Variants in NVL observed in about 807,000 individuals in gnomAD.
NVL encodes the protein nuclear VCP like, also known as nuclear valosin-containing protein-like.
In NVL, 84 loss-of-function variants were observed where a neutral mutation model predicts 110.2. The ratio of observed to expected loss-of-function variants is 0.76; its 90% confidence interval spans 0.64 to 0.91. The LOEUF is 0.91. Among genes scored for constraint, NVL ranks in the 40% least tolerant of loss-of-function variants. NVL has a pLI of 0.00. For missense variants in NVL, 882 were observed against 1,035.9 expected, an observed-to-expected ratio of 0.85 and a Z score of 2.04; for synonymous variants, 354 against 361.1, an observed-to-expected ratio of 0.98 and a Z score of 0.22.
intron 6 of NVL, chr1:224,305,413 G>C (rs568803770): frequency 2.8e-6 from 1 of 361,430 alleles, no homozygotes; most frequent in South Asian, 5.8e-5. Flanking sequence ...ACTAAAATTG[G>C]AATGATACAA....
Position 224,289,587 on chromosome 1 carries a change from A to G in NVL, c.1472T>C (p.Met491Thr). The change falls in exon 13 of 23, where the codon ATG becomes ACG. Residue 491 changes from methionine (M) to threonine (T), a missense_variant. Physicochemically the swap from Met to Thr is moderately conservative, Grantham distance 81. This residue lies in a region of NVL where 416 missense variants were observed against 499.3 expected (regional missense o/e 0.83). Coordinates refer to ENST00000281701, the MANE Select transcript of NVL (RefSeq NM_002533.4). ...AAMCAVNRVL[M>T]KLQEQQKKNP... ...TTTCTTCTGCTGTTCCTGTAGCTTC[A>G]TTAAGACTCTATTGACTGCACACAT... The G allele has an allele frequency of 6.2e-7, 1 of 1,614,226 alleles. No individual in the cohort carries two copies. Among genetic ancestry groups the G allele is most frequent in the Non-Finnish European group, 8.5e-7 (1 of 1,180,048 alleles).
chr1:224,277,459 C>T (rs1025164317), intron 16 of NVL, among the ~76,000 whole-genome samples: 3 of 152,144 alleles, frequency 2.0e-5, no homozygotes, highest in Non-Finnish European at 2.9e-5. Context: ...AGAGAACAAT[C>T]AATACCGTTG....
chr1:224,324,497 T>C (rs373266796), intron 2 of NVL, among the ~76,000 whole-genome samples: 6 of 152,324 alleles, frequency 3.9e-5, no homozygotes, highest in African/African-American at 1.2e-4. Context: ...GGTGCAATCA[T>C]AGCTCACTGC....
intron 14 of NVL, among the ~76,000 whole-genome samples, chr1:224,286,616 T>C (rs1198609593): frequency 6.6e-6 from 1 of 152,220 alleles, no homozygotes. Context: ...CTTGAGGAAT[T>C]TATACTTGAA....
At position 224,311,857 on chromosome 1, in the gene NVL, C is replaced by G; in HGVS notation, c.285G>C (p.Glu95Asp). The change falls in exon 5 of 23, where the codon GAG becomes GAC. Residue 95 changes from glutamate to aspartate, a missense_variant and splice_region_variant. By Grantham distance (45) the Glu-to-Asp change is conservative. Around this residue, in one of 4 missense-constraint regions of NVL, gnomAD observed 274 missense variants for 268.4 expected, o/e 1.02. Coordinates refer to ENST00000281701, the MANE Select transcript of NVL (RefSeq NM_002533.4). ...KRARQGEEDN[E>D]YTESYSDDDS... ...CATCATCAGAATAGCTTTCAGTATA[C>G]CTCAGTAAAAGGAGGGAAAAATGTT... 6.2e-7 allele frequency: 1 copy of G among 1,611,590 alleles called. No homozygotes were observed. Among genetic ancestry groups the G allele is most frequent in the Non-Finnish European group, 8.5e-7 (1 of 1,177,984 alleles).
At position 224,231,253 on chromosome 1, in the gene NVL, C is replaced by T; in HGVS notation, c.2499G>A (p.Lys833=). ...TTTTTGATATAGATGATCTTACTTTCTTGAAAGCTTCTTCAAAATGCTTAT... is the reference window on the plus strand; with the variant it reads ...TTTTTGATATAGATGATCTTACTTTTTTGAAAGCTTCTTCAAAATGCTTAT... ...VSHKHFEEAF[K]KVRSSISKKD... Residue 833 remains lysine (K), a synonymous_variant, in exon 22 of 23, where the codon AAG becomes AAA. Coordinates refer to ENST00000281701, the MANE Select transcript of NVL (RefSeq NM_002533.4). The T allele has an allele frequency of 6.2e-7, 1 of 1,612,514 alleles. No homozygotes were observed. Among genetic ancestry groups the T allele is most frequent in the Non-Finnish European group, 8.5e-7 (1 of 1,179,556 alleles).
At chr1:224,274,035 AACAC>A (rs1224878158) in intron 17 of NVL, among the ~76,000 whole-genome samples, 6 of 145,540 alleles carry the variant, frequency 4.1e-5, no homozygotes, top group Admixed American at 1.4e-4. Flanking sequence ...ATGACCTAAC[AACAC>A]ACACACACAC....
chr1:224,235,515 T>A (rs1660361848), intron 20 of NVL, among the ~76,000 whole-genome samples: 1 of 151,986 alleles, frequency 6.6e-6, no homozygotes, highest in African/African-American at 2.4e-5. Flanking sequence ...AATTAGGGGG[T>A]GAGGCACATC....
chr1:224,279,005 G>GT (rs1666052632), intron 16 of NVL, among the ~76,000 whole-genome samples: 1 of 152,136 alleles, frequency 6.6e-6, no homozygotes, highest in South Asian at 2.1e-4. Context: ...GATTATAGGT[G>GT]TGAGCCACTG....
chr1:224,258,647 G>C (rs1394890398), intron 18 of NVL, among the ~76,000 whole-genome samples: 1 of 152,102 alleles, frequency 6.6e-6, no homozygotes, highest in Non-Finnish European at 1.5e-5. Context: ...AAACAGCCCA[G>C]ATGTCCAACT....
At chr1:224,250,588 T>G (rs1662359099) in intron 18 of NVL, among the ~76,000 whole-genome samples, 1 of 152,108 alleles carries the variant, frequency 6.6e-6, no homozygotes, top group Non-Finnish European at 1.5e-5. Flanking sequence ...AATAGGTTTT[T>G]GGGGAACAGG....
chr1:224,302,976 G>A, intron 9 of NVL: 1 of 284,024 alleles, frequency 3.5e-6, no homozygotes, highest in South Asian at 2.8e-5. Flanking sequence ...TTGAGCCTGG[G>A]AAGTTGAGGC....
intron 18 of NVL, chr1:224,256,866 C>A: frequency 2.7e-6 from 1 of 369,998 alleles, no homozygotes. Context: ...CACTTTCCCA[C>A]ATCCTTAACT....
chr1:224,257,898 A>T (rs1177495650), intron 18 of NVL, among the ~76,000 whole-genome samples: 2 of 152,154 alleles, frequency 1.3e-5, no homozygotes, highest in Admixed American at 1.3e-4. Context: ...ACAACACGCA[A>T]CAAATTAACT....
intron 12 of NVL, among the ~76,000 whole-genome samples, chr1:224,293,092 CAG>C (rs1474869596): frequency 7.0e-6 from 1 of 143,320 alleles, no homozygotes; most frequent in African/African-American, 2.6e-5. Flanking sequence ...TTTTTTGAGA[CAG>C]AGTCTTGCTC....
At position 224,296,583 on chromosome 1, in the gene NVL, A is replaced by G. The variant is rs1667903430; in HGVS notation, c.1098T>C (p.Ile366=). The stretch of plus-strand genomic sequence containing the variant: ...CTTCTCTTTTGGGGGTAATAGCATC[A>G]ATTTCATCAATGAAAATGATACATG... ...NAPCIIFIDE[I]DAITPKREVA... The change falls in exon 11 of 23, where the codon ATT becomes ATC. Residue 366 remains isoleucine (I), a synonymous_variant. Coordinates refer to ENST00000281701, the MANE Select transcript of NVL (RefSeq NM_002533.4). 1 of 1,599,292 alleles carries G rather than the reference A, an allele frequency of 6.3e-7. No individual in the cohort carries two copies. The highest frequency in any genetic ancestry group is 8.5e-7 in the Non-Finnish European group (1 of 1,175,120).
chr1:224,302,457 T>A (rs1365266652), intron 9 of NVL, among the ~76,000 whole-genome samples: 3 of 152,102 alleles, frequency 2.0e-5, no homozygotes, highest in Non-Finnish European at 4.4e-5. Context: ...TGCCTCGGCC[T>A]CCCAAAGTGC....
chr1:224,250,531 AT>A (rs1295407296), intron 18 of NVL, among the ~76,000 whole-genome samples: 4 of 151,668 alleles, frequency 2.6e-5, no homozygotes, highest in African/African-American at 4.8e-5. Context: ...TGCCTGGCTA[AT>A]TTTTTTTCTT....
At chr1:224,312,026 T>G (rs1669576431) in intron 4 of NVL, 169 bp from the exon 5 acceptor site, 1 of 577,272 alleles carries the variant, frequency 1.7e-6, no homozygotes, top group South Asian at 2.2e-5. Context: ...CAGTTATTAC[T>G]TAACCTCTCT....
Sources: allele counts gnomAD v4.1 joint callset (sites outside exome capture counted in the v4.1 genomes callset), GRCh38; gene constraint gnomAD v4.1.1; regional missense constraint gnomAD v4.1.1; transcripts MANE v1.5; gene names NCBI Gene and HGNC (gene_info 2026-07-23, HGNC 2026-07-21).